The following RAE1 variants were observed in gnomAD, a reference collection of about 807,000 sequenced individuals.
RAE1 encodes ribonucleic acid export 1.
A neutral mutation model predicts 52.7 loss-of-function variants in RAE1; 13 were observed. The ratio of observed to expected loss-of-function variants is 0.25; its 90% CI spans 0.16 to 0.39. The LOEUF (loss-of-function observed/expected upper bound fraction) is 0.39, where lower values mean the gene tolerates loss of function less well. Ranked by LOEUF, RAE1 falls within the 10% of genes least tolerant of loss-of-function variation. The probability of loss-of-function intolerance (pLI) is 1.00; values close to 1 mark genes in which losing one functional copy is unlikely to be tolerated. For missense variants in RAE1, 262 were observed against 459.8 expected, an observed-to-expected ratio of 0.57 and a Z score of 3.93; for synonymous variants, 164 against 153.1, an observed-to-expected ratio of 1.07 and a Z score of -0.52.
chr20:57,371,945 C>T (rs536859813), intron 8 of RAE1: 1 of 152,302 alleles, frequency 6.6e-6, no homozygotes, highest in Non-Finnish European at 1.5e-5. Context: ...TGCATGGTTC[C>T]ACTTAAATGT....
At position 57,354,634 on chromosome 20, in the gene RAE1, G is replaced by A. The variant is rs1290601728; in HGVS notation, c.91-78G>A. On this transcript the variant is annotated intron_variant, in intron 2 of 11. Coordinates refer to ENST00000395841, the MANE Select transcript of RAE1 (RefSeq NM_003610.4). ...GTACACAAGGAAAGGCCACCGTGAG[G>A]TAATTAGTGAGAAAGAAAACAATTT... 4 of 1,020,128 alleles carry A rather than the reference G, an allele frequency of 3.9e-6. No individual in the cohort carries two copies. In the East Asian group the frequency reaches 1.1e-4, roughly 28 times the overall value. The allele number at this position is 1,020,128 out of a possible 1,614,324, so 63.2% of individuals were successfully genotyped here.
chr20:57,376,318 A>G (rs1247918285), intron 11 of RAE1, among the ~76,000 whole-genome samples: 1 of 152,230 alleles, frequency 6.6e-6, no homozygotes, highest in African/African-American at 2.4e-5. Flanking sequence ...ATCAGTTTCA[A>G]CATCTGTAAA....
Position 57,354,788 on chromosome 20 carries a change from T to C in RAE1, c.167T>C (p.Phe56Ser), listed in dbSNP as rs765743528. 6.2e-7 allele frequency: 1 copy of C among 1,604,340 alleles called. No homozygotes were observed. The highest frequency in any genetic ancestry group is 8.5e-7 in the Non-Finnish European group (1 of 1,175,820). Reference sequence around the variant, plus strand: ...AGCCCACCAACCTTGCCGGGGAACTTTCTTATTGCAGGATCATGGGCTAAT... The same window carrying C: ...AGCCCACCAACCTTGCCGGGGAACTCTCTTATTGCAGGATCATGGGCTAAT... ...SFSPPTLPGN[F>S]LIAGSWANDV... Residue 56 changes from phenylalanine (F) to serine (S), a missense_variant, in exon 3 of 12, where the codon TTT (phenylalanine) becomes TCT (serine). By Grantham distance (155) the Phe-to-Ser change is radical. Transcript: ENST00000395841.
chr20:57,356,364 G>A (rs916093110), intron 3 of RAE1, 82 bp from the exon 4 acceptor site: 4 of 1,049,026 alleles, frequency 3.8e-6, no homozygotes, highest in Non-Finnish European at 5.8e-6. Flanking sequence ...TGGTTAAGGT[G>A]TACCCCATTA....
rs150804995 is a variant in RAE1 at position 57,374,714 on chromosome 20, G to A, written c.933G>A (p.Ser311=). Residue 311 remains serine (S), a synonymous_variant, in exon 11 of 12, where the codon TCG becomes TCA. Coordinates refer to ENST00000395841, the MANE Select transcript of RAE1 (RefSeq NM_003610.4). ...DKDARTKLKT[S]EQLDQPISAC... ...ATGCCAGAACAAAACTAAAAACTTCGGAACAGTTAGATCAGCCCATCTCAG... is the reference window on the plus strand; with the variant it reads ...ATGCCAGAACAAAACTAAAAACTTCAGAACAGTTAGATCAGCCCATCTCAG... The A allele has an allele frequency of 8.9e-5, 143 of 1,614,162 alleles. No homozygotes were observed. Among genetic ancestry groups the A allele is most frequent in the African/African-American group, 7.2e-4 (54 of 75,036 alleles).
At chr20:57,359,197 A>C in intron 4 of RAE1, 1 of 428,466 alleles carries the variant, frequency 2.3e-6, no homozygotes, top group Non-Finnish European at 4.0e-6. Flanking sequence ...AGATTTGCTG[A>C]GTTCCTTTTA....
At chr20:57,352,404 T>C (rs951262706) in intron 1 of RAE1, among the ~76,000 whole-genome samples, 1 of 152,084 alleles carries the variant, frequency 6.6e-6, no homozygotes, top group East Asian at 1.9e-4. Context: ...GGGATGAGCT[T>C]GTTGTGTTCA....
chr20:57,373,748 T>A lies in RAE1; in HGVS notation c.825+10T>A. ...TCAGGACATTTATGCGGTACGTTTT[T>A]AGACACTTTAACCGTGGTAATACAT... On this transcript the variant is annotated intron_variant, in intron 10 of 11. Coordinates refer to ENST00000395841, the MANE Select transcript of RAE1 (RefSeq NM_003610.4). 6.2e-7 allele frequency: 1 copy of A among 1,610,076 alleles called. No homozygotes were observed. Among genetic ancestry groups the A allele is most frequent in the Non-Finnish European group, 8.5e-7 (1 of 1,176,320 alleles).
intron 5 of RAE1, among the ~76,000 whole-genome samples, chr20:57,366,404 G>A (rs1047062903): frequency 6.6e-6 from 1 of 152,150 alleles, no homozygotes; most frequent in African/African-American, 2.4e-5. Context: ...GGCTTCTGGG[G>A]AATCCCAAGG....
chr20:57,356,377 T>G, intron 3 of RAE1, 69 bp from the exon 4 acceptor site: 1 of 1,257,050 alleles, frequency 8.0e-7, no homozygotes. Context: ...CCCCATTAGT[T>G]TTTAGGTGTT....
chr20:57,367,109 C>G (rs753920937), intron 7 of RAE1, 30 bp downstream of exon 7: 4 of 1,488,994 alleles, frequency 2.7e-6, no homozygotes, highest in Non-Finnish European at 3.7e-6. Context: ...TATGTATTTA[C>G]TTTAAAAAAA....
intron 4 of RAE1, 145 bp downstream of exon 4, chr20:57,356,683 A>G: frequency 1.3e-6 from 1 of 755,572 alleles, no homozygotes; most frequent in Non-Finnish European, 2.0e-6. Flanking sequence ...TCATTTATTG[A>G]TGTTCTTAAT....
At chr20:57,375,069 A>C (rs1455726168) in intron 11 of RAE1, 3 of 697,486 alleles carry the variant, frequency 4.3e-6, no homozygotes, top group South Asian at 3.0e-5. Context: ...ACAGAAGCAC[A>C]GGCAAGCCGG....
intron 5 of RAE1, 71 bp downstream of exon 5, chr20:57,365,513 T>C: frequency 5.0e-6 from 5 of 1,006,326 alleles, no homozygotes; most frequent in Non-Finnish European, 7.2e-6. Context: ...TTAAGTGAAA[T>C]AATTATTATA....
chr20:57,371,954 G>C (rs1008362216), intron 8 of RAE1: 1 of 152,248 alleles, frequency 6.6e-6, no homozygotes, highest in African/African-American at 2.4e-5. Flanking sequence ...CCACTTAAAT[G>C]TGATATCCAG....
intron 2 of RAE1, among the ~76,000 whole-genome samples, chr20:57,354,412 GGA>G (rs1451948936): frequency 6.6e-6 from 1 of 152,222 alleles, no homozygotes; most frequent in Non-Finnish European, 1.5e-5. Context: ...TCCCATGGTT[GGA>G]GAGAGGGGAT....
chr20:57,359,879 C>G (rs1821504248), intron 4 of RAE1: 1 of 152,186 alleles, frequency 6.6e-6, no homozygotes, highest in African/African-American at 2.4e-5. Flanking sequence ...GTGTCTATTG[C>G]CAGAAATATC....
chr20:57,364,936 A>ATG (rs2066934850), intron 4 of RAE1, among the ~76,000 whole-genome samples: 1 of 152,226 alleles, frequency 6.6e-6, no homozygotes, highest in East Asian at 1.9e-4. Context: ...ATGTGACAGA[A>ATG]TGTTTACAAT....
intron 4 of RAE1, chr20:57,359,657 G>C (rs538712589): frequency 6.6e-6 from 1 of 152,232 alleles, no homozygotes; most frequent in Non-Finnish European, 1.5e-5. Context: ...CTCGGTAGGC[G>C]TGTCACCGCT....
Sources: allele counts gnomAD v4.1 joint callset (sites outside exome capture counted in the v4.1 genomes callset), GRCh38; gene constraint gnomAD v4.1.1; transcripts MANE v1.5; gene names NCBI Gene and HGNC (gene_info 2026-07-23, HGNC 2026-07-21).